The following TMCC3 variants were observed in gnomAD, a reference collection of about 807,000 sequenced individuals.
The protein encoded by TMCC3 is transmembrane and coiled-coil domain protein 3.
A neutral mutation model predicts 40.2 loss-of-function variants in TMCC3; 28 were observed. The observed-to-expected ratio is 0.70, with a 90% CI of 0.52 to 0.95. The LOEUF (loss-of-function observed/expected upper bound fraction) is 0.95. Ranked by LOEUF, TMCC3 falls within the 40% of genes least tolerant of loss-of-function variation. TMCC3 has a pLI of 0.00. For missense variants in TMCC3, 554 were observed against 615.2 expected (o/e 0.90, Z 1.05); for synonymous variants, 255 against 248.5 (o/e 1.03, Z -0.25).
intron 1 of TMCC3, among the ~76,000 whole-genome samples, chr12:94,631,721 T>C (rs2068934493): frequency 6.6e-6 from 1 of 152,212 alleles, no homozygotes. Flanking sequence ...TCATGTAATA[T>C]ATATAGCAGT....
chr12:94,575,044 T>C (rs1389912059), intron 3 of TMCC3, among the ~76,000 whole-genome samples: 2 of 152,176 alleles, frequency 1.3e-5, no homozygotes, highest in South Asian at 2.1e-4. Context: ...AATTAACTTA[T>C]TGGGGATGAT....
At chr12:94,631,837 CTT>C (rs2068935421) in intron 1 of TMCC3, among the ~76,000 whole-genome samples, 1 of 152,222 alleles carries the variant, frequency 6.6e-6, no homozygotes, top group African/African-American at 2.4e-5. Context: ...ACGCTCCAAA[CTT>C]TTCATAATGC....
Position 94,640,690 on chromosome 12 carries a change from G to C in TMCC3, c.78+9663C>G, listed in dbSNP as rs184662064. 7.2e-5 allele frequency among the ~76,000 whole-genome samples: 11 copies of C among 152,310 alleles called. No homozygotes were observed. In the East Asian group the frequency reaches 2.1e-3, roughly 29 times the overall value. Reference sequence around the variant, plus strand: ...ACTTTGGGAAACTGCGGTAGACCACGAATGACTCAAACTCAGAACAACAAA... The same window carrying C: ...ACTTTGGGAAACTGCGGTAGACCACCAATGACTCAAACTCAGAACAACAAA... On this transcript the variant is annotated intron_variant, in intron 1 of 3. Transcript: ENST00000261226.
intron 1 of TMCC3, among the ~76,000 whole-genome samples, chr12:94,583,102 T>C (rs2068616726): frequency 6.8e-6 from 1 of 146,616 alleles, no homozygotes; most frequent in Non-Finnish European, 1.5e-5. Flanking sequence ...GATAGAATAA[T>C]ATGGTACAAG....
intron 1 of TMCC3, among the ~76,000 whole-genome samples, chr12:94,589,846 G>A (rs1256868122): frequency 6.6e-6 from 1 of 152,182 alleles, no homozygotes; most frequent in East Asian, 1.9e-4. Context: ...ATAATAAATA[G>A]CTTAGGTGGG....
chr12:94,612,138 A>G (rs1442261234), intron 1 of TMCC3, among the ~76,000 whole-genome samples: 1 of 152,122 alleles, frequency 6.6e-6, no homozygotes, highest in African/African-American at 2.4e-5. Context: ...ATCTGGGACT[A>G]CAGGTGCACA....
chr12:94,640,716 T>C (rs774670267), intron 1 of TMCC3, among the ~76,000 whole-genome samples: 7 of 152,126 alleles, frequency 4.6e-5, no homozygotes, highest in Non-Finnish European at 1.0e-4. Flanking sequence ...GAACAACAAA[T>C]GTTGTAATGG....
intron 3 of TMCC3, among the ~76,000 whole-genome samples, chr12:94,578,069 A>C (rs1463771209): frequency 6.7e-6 from 1 of 148,360 alleles, no homozygotes; most frequent in African/African-American, 2.5e-5. Flanking sequence ...GAATCGTTTG[A>C]ACTCGGGAGG....
At chr12:94,610,112 T>C (rs933068924) in intron 1 of TMCC3, 3 of 152,106 alleles carry the variant, frequency 2.0e-5, no homozygotes, top group African/African-American at 4.8e-5. Context: ...CCACCTCGAA[T>C]GGATATTATG....
At chr12:94,627,969 T>C (rs1188856845) in intron 1 of TMCC3, among the ~76,000 whole-genome samples, 3 of 152,260 alleles carry the variant, frequency 2.0e-5, no homozygotes, top group Non-Finnish European at 4.4e-5. Context: ...TGAATGAATG[T>C]ACTGAATTGG....
chr12:94,646,062 C>A (rs759368606), intron 1 of TMCC3, among the ~76,000 whole-genome samples: 9 of 152,096 alleles, frequency 5.9e-5, no homozygotes, highest in Non-Finnish European at 1.2e-4. Flanking sequence ...AGCACTGGTA[C>A]AAGATCTGTA....
chr12:94,628,002 G>A lies in TMCC3; in HGVS notation c.78+22351C>T, dbSNP rs185361361. Among the ~76,000 whole-genome samples the A allele has an allele frequency of 2.5e-3, 384 of 152,322 alleles. 1 individual carries two copies. The highest frequency in any genetic ancestry group is 4.4e-3 in the Non-Finnish European group (299 of 68,030). ...TGGGCTGAAAGCCCAATCATTTTAA[G>A]TACAATCCACATCTGTATTGCTCAT... is the stretch of plus-strand genomic sequence containing the variant. On this transcript the variant is annotated intron_variant, in intron 1 of 3. Coordinates refer to ENST00000261226, the MANE Select transcript of TMCC3 (RefSeq NM_020698.4).
chr12:94,644,426 G>C, intron 1 of TMCC3: 1 of 985,384 alleles, frequency 1.0e-6, no homozygotes, highest in Non-Finnish European at 1.2e-6. Flanking sequence ...CCGGCAGAGG[G>C]TCTGAAGCAA....
At chr12:94,598,673 A>T (rs2068732511) in intron 1 of TMCC3, 1 of 985,328 alleles carries the variant, frequency 1.0e-6, no homozygotes, top group South Asian at 4.7e-5. Context: ...ACAGTCATTA[A>T]ATGCTCTGCC....
intron 1 of TMCC3, among the ~76,000 whole-genome samples, chr12:94,634,134 G>C (rs1415794267): frequency 1.3e-5 from 2 of 151,866 alleles, no homozygotes; most frequent in Non-Finnish European, 2.9e-5. Flanking sequence ...TAGTAGAGAT[G>C]AGGTTTCACC....
chr12:94,640,268 C>T (rs1388342595), intron 1 of TMCC3, among the ~76,000 whole-genome samples: 1 of 152,178 alleles, frequency 6.6e-6, no homozygotes, highest in Non-Finnish European at 1.5e-5. Flanking sequence ...TCCCACCTCA[C>T]CCCTCCCAGG....
intron 3 of TMCC3, among the ~76,000 whole-genome samples, chr12:94,575,665 CACAGAAGA>C (rs1224998028): frequency 6.6e-6 from 1 of 152,190 alleles, no homozygotes; most frequent in East Asian, 1.9e-4. Context: ...TTTGTTAAAA[CACAGAAGA>C]ACAATATTAA....
At chr12:94,585,661 G>C (rs897639829) in intron 1 of TMCC3, among the ~76,000 whole-genome samples, 7 of 148,920 alleles carry the variant, frequency 4.7e-5, no homozygotes, top group African/African-American at 1.5e-4. Flanking sequence ...ACTCCAGCCT[G>C]AGTGACAGAG....
intron 1 of TMCC3, among the ~76,000 whole-genome samples, chr12:94,645,107 C>T (rs1003119040): frequency 6.6e-6 from 1 of 152,106 alleles, no homozygotes; most frequent in African/African-American, 2.4e-5. Flanking sequence ...TTTCATTTAC[C>T]ATTGTATTCC....
Sources: allele counts gnomAD v4.1 joint callset (sites outside exome capture counted in the v4.1 genomes callset), GRCh38; gene constraint gnomAD v4.1.1; transcripts MANE v1.5; gene names NCBI Gene and HGNC (gene_info 2026-07-23, HGNC 2026-07-21).